MAGI2: variants seen among roughly 807,000 people sequenced by gnomAD.
MAGI2 encodes the protein membrane associated guanylate kinase, WW and PDZ domain containing 2, also known as membrane-associated guanylate kinase, WW and PDZ domain-containing protein 2.
Under a neutral mutation model 133.3 loss-of-function variants are expected in MAGI2, and 35 were observed. The observed-to-expected ratio is 0.26, with a 90% confidence interval of 0.20 to 0.35. The LOEUF is 0.35. Ranked by LOEUF, MAGI2 falls within the 10% of genes least tolerant of loss-of-function variation. The probability of loss-of-function intolerance (pLI) is 1.00; values close to 1 mark genes in which losing one functional copy is unlikely to be tolerated. For missense variants in MAGI2, 1,636 were observed against 1,863.4 expected (o/e 0.88, Z 2.25); for synonymous variants, 729 against 710.6 (o/e 1.03, Z -0.41).
intron 1 of MAGI2, among the ~76,000 whole-genome samples, chr7:79,425,293 T>C (rs1847264153): frequency 6.6e-6 from 1 of 151,216 alleles, no homozygotes; most frequent in African/African-American, 2.4e-5. Flanking sequence ...CCTCTTTCTC[T>C]CATCCTTCCT....
At chr7:79,010,271 T>C (rs1807929904) in intron 1 of MAGI2, among the ~76,000 whole-genome samples, 1 of 152,108 alleles carries the variant, frequency 6.6e-6, no homozygotes, top group African/African-American at 2.4e-5. Flanking sequence ...TATATGTATG[T>C]ATGTATGTAT....
intron 3 of MAGI2, among the ~76,000 whole-genome samples, chr7:78,579,380 A>G (rs1192363268): frequency 2.0e-5 from 3 of 152,196 alleles, no homozygotes; most frequent in Non-Finnish European, 4.4e-5. Context: ...AGGAGGGTTG[A>G]GCTGAAGACA....
At chr7:78,259,236 T>G (rs1793289986) in intron 9 of MAGI2, among the ~76,000 whole-genome samples, 1 of 152,142 alleles carries the variant, frequency 6.6e-6, no homozygotes. Flanking sequence ...ATGTCTACTT[T>G]CATTCTTGCT....
intron 1 of MAGI2, among the ~76,000 whole-genome samples, chr7:79,323,690 G>A (rs2129561859): frequency 6.6e-6 from 1 of 152,316 alleles, no homozygotes; most frequent in African/African-American, 2.4e-5. Flanking sequence ...ACTCACGTAA[G>A]CTAGGGTAGG....
chr7:78,637,994 G>A (rs543301134), intron 2 of MAGI2, among the ~76,000 whole-genome samples: 17 of 152,004 alleles, frequency 1.1e-4, no homozygotes, highest in Admixed American at 8.5e-4. Context: ...AGCCCAAGAG[G>A]TCAAGGCTGC....
intron 4 of MAGI2, among the ~76,000 whole-genome samples, chr7:78,517,155 A>T (rs1368609015): frequency 7.2e-6 from 1 of 139,010 alleles, no homozygotes; most frequent in East Asian, 2.0e-4. Context: ...AGATGAAAAT[A>T]TCTAAATATA....
At chr7:78,475,862 C>G (rs930245561) in intron 6 of MAGI2, among the ~76,000 whole-genome samples, 1 of 151,778 alleles carries the variant, frequency 6.6e-6, no homozygotes, top group African/African-American at 2.4e-5. Flanking sequence ...TCCAGCCCAT[C>G]TTTAAAATTC....
chr7:79,294,091 T>G (rs1272384150), intron 1 of MAGI2, among the ~76,000 whole-genome samples: 1 of 149,888 alleles, frequency 6.7e-6, no homozygotes, highest in African/African-American at 2.5e-5. Flanking sequence ...GGCAAAAGAG[T>G]TGCTTGAACA....
chr7:79,143,612 T>C (rs1822336800), intron 1 of MAGI2, among the ~76,000 whole-genome samples: 2 of 152,200 alleles, frequency 1.3e-5, no homozygotes, highest in Admixed American at 6.5e-5. Context: ...CTTCAAATCC[T>C]ACAACACTTC....
At chr7:78,716,385 TG>T (rs1197505495) in intron 2 of MAGI2, among the ~76,000 whole-genome samples, 1 of 152,126 alleles carries the variant, frequency 6.6e-6, no homozygotes, top group East Asian at 1.9e-4. Context: ...AAGGCACTTA[TG>T]GTAGAAAGCA....
At chr7:78,923,010 C>T (rs1799384347) in intron 2 of MAGI2, among the ~76,000 whole-genome samples, 1 of 152,148 alleles carries the variant, frequency 6.6e-6, no homozygotes, top group African/African-American at 2.4e-5. Flanking sequence ...AGTGTCTGTT[C>T]ATATCCTTTG....
intron 16 of MAGI2, among the ~76,000 whole-genome samples, chr7:78,149,789 T>C (rs571408168): frequency 6.6e-6 from 1 of 152,334 alleles, no homozygotes; most frequent in African/African-American, 2.4e-5. Context: ...TTTTAGGCAC[T>C]TCACTCTTGA....
At chr7:78,759,148 C>G (rs144306376) in intron 2 of MAGI2, among the ~76,000 whole-genome samples, 7 of 151,750 alleles carry the variant, frequency 4.6e-5, no homozygotes, top group Non-Finnish European at 7.4e-5. Flanking sequence ...ATTTTTAAAG[C>G]GATTAATGTC....
chr7:78,025,416 T>C (rs778563024), intron 21 of MAGI2, among the ~76,000 whole-genome samples: 1 of 152,238 alleles, frequency 6.6e-6, no homozygotes, highest in Non-Finnish European at 1.5e-5. Context: ...TCTCAAATGC[T>C]AGCTGTAAGC....
At chr7:78,667,365 A>C (rs906693309) in intron 2 of MAGI2, among the ~76,000 whole-genome samples, 6 of 148,608 alleles carry the variant, frequency 4.0e-5, no homozygotes, top group African/African-American at 1.5e-4. Flanking sequence ...TTTTTTTGAG[A>C]TTCTTTTTTT....
intron 10 of MAGI2, among the ~76,000 whole-genome samples, chr7:78,205,441 A>C (rs1041318835): frequency 6.6e-6 from 1 of 152,186 alleles, no homozygotes; most frequent in Non-Finnish European, 1.5e-5. Context: ...CCAAAATACA[A>C]CTTTTAATGA....
chr7:79,030,646 A>C (rs1457131600), intron 1 of MAGI2, among the ~76,000 whole-genome samples: 2 of 152,240 alleles, frequency 1.3e-5, no homozygotes, highest in African/African-American at 4.8e-5. Context: ...AAGGTAACAG[A>C]AGAGAGAATC....
chr7:78,092,935 G>A (rs1294978395), intron 20 of MAGI2, among the ~76,000 whole-genome samples: 1 of 151,966 alleles, frequency 6.6e-6, no homozygotes, highest in East Asian at 1.9e-4. Context: ...AGTTTTGGCT[G>A]TTGAAAGTAA....
chr7:78,543,482 G>A (rs1798576685), intron 3 of MAGI2, among the ~76,000 whole-genome samples: 1 of 152,126 alleles, frequency 6.6e-6, no homozygotes, highest in Admixed American at 6.5e-5. Context: ...TTAACATTGG[G>A]ACATAAATGC....
Sources: gnomAD v4.1 joint callset for allele counts (sites outside exome capture counted in the v4.1 genomes callset) on GRCh38, gnomAD v4.1.1 for gene constraint, MANE v1.5 for transcripts, NCBI Gene and HGNC (gene_info 2026-07-23, HGNC 2026-07-21) for gene names.